PLCL2: variants seen among roughly 807,000 people sequenced by gnomAD.
PLCL2 encodes the protein phospholipase C like 2.
Under a neutral mutation model 79.6 loss-of-function variants are expected in PLCL2, and 4 were observed. That is an observed-to-expected ratio of 0.05 (90% CI 0.02 to 0.11). The LOEUF is 0.11. Among genes scored for constraint, PLCL2 ranks in the 10% least tolerant of loss-of-function variants. The pLI, the probability that PLCL2 is intolerant of heterozygous loss-of-function variation, is 1.00. For missense variants in PLCL2, 895 were observed against 1,291.0 expected (o/e 0.69, Z 4.70); for synonymous variants, 484 against 457.7 (o/e 1.06, Z -0.73).
chr3:16,885,093 G>A lies in PLCL2; in HGVS notation c.54G>A (p.Pro18=), dbSNP rs1350070146. 2.5e-5 allele frequency: 11 copies of A among 432,778 alleles called. No homozygotes were observed. Among genetic ancestry groups the A allele is most frequent in the African/African-American group, 2.1e-4 (10 of 48,376 alleles). 26.8% of individuals were successfully genotyped at this position (432,778 alleles called of 1,614,324 possible). A position where few individuals can be genotyped will look rare whatever the true frequency, so the allele number is the denominator to read the frequency against. ...CCGGCGGGGCCCTGCCCACCTCCCCGGGCCCGGCCCTCGGCGCCAAGGGCG... is the reference window on the plus strand; with the variant it reads ...CCGGCGGGGCCCTGCCCACCTCCCCAGGCCCGGCCCTCGGCGCCAAGGGCG... ...GAAGGALPTS[P]GPALGAKGAL... The change falls in exon 1 of 6, where the codon CCG becomes CCA. Residue 18 remains proline (P), a synonymous_variant. Coordinates refer to ENST00000615277, the MANE Select transcript of PLCL2 (RefSeq NM_001144382.2).
chr3:17,010,682 A>G lies in PLCL2; in HGVS notation c.1336A>G (p.Ile446Val). The G allele has an allele frequency of 6.2e-7, 1 of 1,614,104 alleles. No individual in the cohort carries two copies. The highest frequency in any genetic ancestry group is 1.1e-5 in the South Asian group (1 of 91,070). The change falls in exon 2 of 6, where the codon ATA becomes GTA. Residue 446 changes from isoleucine to valine, a missense_variant. Ile to Val is a conservative substitution (Grantham distance 29). Transcript: ENST00000615277. This position sits in a 1 kb window ranked among gnomAD's most constrained non-coding sequence, Gnocchi z 5.8. Reference sequence around the variant, plus strand: ...AAACTCATCTCATAATACATACTTAATAGAGGATCAGTTCCGAGGTCCCTC... The same window carrying G: ...AAACTCATCTCATAATACATACTTAGTAGAGGATCAGTTCCGAGGTCCCTC... ...FINSSHNTYL[I>V]EDQFRGPSDI...
At chr3:17,030,664 T>C (rs552948396) in intron 3 of PLCL2, among the ~76,000 whole-genome samples, 7 of 152,214 alleles carry the variant, frequency 4.6e-5, no homozygotes, top group Non-Finnish European at 7.3e-5. Context: ...GTAAATACTC[T>C]AGTAGCTGCT....
At chr3:17,064,159 G>A (rs1327084872) in intron 4 of PLCL2, among the ~76,000 whole-genome samples, 1 of 152,158 alleles carries the variant, frequency 6.6e-6, no homozygotes, top group African/African-American at 2.4e-5. Context: ...CACTGTTGTT[G>A]TAAAGAACTG....
chr3:16,940,745 T>C (rs1454583436), intron 1 of PLCL2, among the ~76,000 whole-genome samples: 1 of 152,258 alleles, frequency 6.6e-6, no homozygotes, highest in African/African-American at 2.4e-5. Context: ...GCAAGTTATT[T>C]AACCTGTCTA....
intron 1 of PLCL2, among the ~76,000 whole-genome samples, chr3:16,907,617 TG>T (rs970977958): frequency 1.2e-4 from 18 of 152,198 alleles, no homozygotes; most frequent in African/African-American, 4.3e-4. Context: ...TGAGTCAGAC[TG>T]GGGGGTCACC....
At chr3:17,015,705 T>C (rs2064376597) in intron 3 of PLCL2, among the ~76,000 whole-genome samples, 1 of 152,196 alleles carries the variant, frequency 6.6e-6, no homozygotes, top group Non-Finnish European at 1.5e-5. Flanking sequence ...GTACCTCATC[T>C]GCTACCTCCT....
intron 4 of PLCL2, among the ~76,000 whole-genome samples, chr3:17,047,789 C>T (rs1181807867): frequency 6.6e-6 from 1 of 152,180 alleles, no homozygotes; most frequent in Non-Finnish European, 1.5e-5. Flanking sequence ...ACACAGCAGC[C>T]TGCCTGCTGT....
chr3:17,067,840 G>T, intron 4 of PLCL2, 116 bp from the exon 5 acceptor site: 1 of 581,934 alleles, frequency 1.7e-6, no homozygotes. Context: ...ACACATTTAT[G>T]AAATTCCACT....
chr3:16,950,598 G>C (rs925508211), intron 1 of PLCL2, among the ~76,000 whole-genome samples: 8 of 150,984 alleles, frequency 5.3e-5, no homozygotes, highest in African/African-American at 1.9e-4. Context: ...TGCTGCTTTA[G>C]CTAGAGTAAG....
intron 1 of PLCL2, among the ~76,000 whole-genome samples, chr3:16,897,697 GC>G (rs1696515930): frequency 6.6e-6 from 1 of 152,186 alleles, no homozygotes; most frequent in African/African-American, 2.4e-5. Context: ...CCAGTGCTCC[GC>G]CCGAGGGTGG....
intron 1 of PLCL2, among the ~76,000 whole-genome samples, chr3:16,948,177 G>A (rs1047328156): frequency 1.3e-5 from 2 of 152,200 alleles, no homozygotes; most frequent in Admixed American, 1.3e-4. Context: ...GGAATATTTG[G>A]CAATAAGAAG....
At chr3:16,985,473 A>G (rs1299550850) in intron 1 of PLCL2, among the ~76,000 whole-genome samples, 1 of 152,160 alleles carries the variant, frequency 6.6e-6, no homozygotes, top group African/African-American at 2.4e-5. Flanking sequence ...ACACATAGAA[A>G]CATCAAAGGG....
At chr3:17,051,956 A>C (rs1008040599) in intron 4 of PLCL2, among the ~76,000 whole-genome samples, 3 of 152,136 alleles carry the variant, frequency 2.0e-5, no homozygotes, top group Non-Finnish European at 4.4e-5. Flanking sequence ...CCAAGTCAGC[A>C]TGTAGATTAA....
Position 16,887,637 on chromosome 3 carries a change from A to G in PLCL2, c.327+2271A>G, listed in dbSNP as rs568795483. On this transcript the variant is annotated intron_variant, in intron 1 of 5. Coordinates refer to ENST00000615277, the MANE Select transcript of PLCL2 (RefSeq NM_001144382.2). The surrounding 1 kb of genome is among the most constrained non-coding windows in gnomAD (Gnocchi z 4.1). ...TGAATTGGTGCCTTGAAGCATCAAG[A>G]TTTTTGGAATGTATTGTGGTATTTT... Among the ~76,000 whole-genome samples the G allele has an allele frequency of 7.9e-5, 12 of 152,194 alleles. No individual in the cohort carries two copies. Among genetic ancestry groups the G allele is most frequent in the Non-Finnish European group, 1.3e-4 (9 of 68,032 alleles).
At chr3:16,892,277 G>A (rs1696369260) in intron 1 of PLCL2, among the ~76,000 whole-genome samples, 1 of 152,258 alleles carries the variant, frequency 6.6e-6, no homozygotes, top group Admixed American at 6.5e-5. Flanking sequence ...TAGGAATTTG[G>A]TTAATTCTAT....
At chr3:17,038,026 G>A (rs184831472) in intron 3 of PLCL2, among the ~76,000 whole-genome samples, 76 of 152,118 alleles carry the variant, frequency 5.0e-4, no homozygotes, top group African/African-American at 1.7e-3. Flanking sequence ...CCGATAAAAG[G>A]CATATCTGGT....
chr3:17,018,709 A>C (rs987249740), intron 3 of PLCL2, among the ~76,000 whole-genome samples: 1 of 152,204 alleles, frequency 6.6e-6, no homozygotes, highest in Admixed American at 6.5e-5. Flanking sequence ...TAAAGATGTC[A>C]CGTTTGGTTG....
intron 5 of PLCL2, among the ~76,000 whole-genome samples, chr3:17,071,045 A>G (rs541095050): frequency 6.6e-6 from 1 of 152,214 alleles, no homozygotes; most frequent in South Asian, 2.1e-4. Context: ...TTATTTAACA[A>G]GTTTCTTGGG....
At chr3:17,079,637 T>G (rs116303550) in intron 5 of PLCL2, among the ~76,000 whole-genome samples, 2,287 of 152,178 alleles carry the variant, frequency 0.015, 72 homozygotes, top group African/African-American at 0.052. Context: ...AGACACCGCC[T>G]CCTCCGTGGT....
Sources: gnomAD v4.1 joint callset for allele counts (sites outside exome capture counted in the v4.1 genomes callset) on GRCh38, gnomAD v4.1.1 for gene constraint, Gnocchi (gnomAD v3.1) non-coding constraint, MANE v1.5 for transcripts, NCBI Gene and HGNC (gene_info 2026-07-23, HGNC 2026-07-21) for gene names.